The following TPRA1 variants were observed in gnomAD, a reference collection of about 807,000 sequenced individuals.
The protein encoded by TPRA1 is transmembrane protein adipocyte associated 1.
A neutral mutation model predicts 40.1 loss-of-function variants in TPRA1; 28 were observed. That is an observed-to-expected ratio of 0.70 (90% confidence interval 0.52 to 0.96). TPRA1 has a LOEUF of 0.96. Ranked by LOEUF, TPRA1 falls within the 40% of genes least tolerant of loss-of-function variation. TPRA1 has a pLI of 0.00. For synonymous variants in TPRA1, 219 were observed against 209.7 expected (o/e 1.04, Z -0.38); for missense variants, 441 against 482.6 (o/e 0.91, Z 0.81).
At chr3:127,578,954 C>A (rs1179508549) in intron 3 of TPRA1, among the ~76,000 whole-genome samples, 2 of 152,098 alleles carry the variant, frequency 1.3e-5, no homozygotes, top group Admixed American at 6.5e-5. Flanking sequence ...GAAGCCCACA[C>A]CAGGACAGCC....
chr3:127,574,899 CGT>C (rs2073529630), intron 10 of TPRA1: 2 of 485,856 alleles, frequency 4.1e-6, no homozygotes, highest in South Asian at 4.3e-5. Context: ...TGCATATGCC[CGT>C]GTGTATCCGT....
At chr3:127,574,961 T>G in intron 10 of TPRA1, 1 of 583,366 alleles carries the variant, frequency 1.7e-6, no homozygotes. Flanking sequence ...TGTGCATCCG[T>G]GTGTGCATGT....
intron 3 of TPRA1, among the ~76,000 whole-genome samples, chr3:127,578,877 C>T (rs2073732710): frequency 6.6e-6 from 1 of 152,170 alleles, no homozygotes; most frequent in Non-Finnish European, 1.5e-5. Context: ...GGGAGGACTC[C>T]AGTCAGGCAG....
At chr3:127,581,221 T>C (rs2073820315) in intron 1 of TPRA1, among the ~76,000 whole-genome samples, 1 of 152,218 alleles carries the variant, frequency 6.6e-6, no homozygotes, top group Non-Finnish European at 1.5e-5. Flanking sequence ...GCCAGATGCC[T>C]GTGACTCTGC....
chr3:127,582,838 TAAA>T (rs1290942646), intron 1 of TPRA1, among the ~76,000 whole-genome samples: 1 of 137,878 alleles, frequency 7.3e-6, no homozygotes, highest in African/African-American at 2.7e-5. Context: ...CCGCCTCTAC[TAAA>T]AAAAAAAAAT....
intron 1 of TPRA1, among the ~76,000 whole-genome samples, chr3:127,589,370 C>T (rs1036014906): frequency 2.0e-5 from 3 of 150,722 alleles, no homozygotes; most frequent in Non-Finnish European, 3.0e-5. Flanking sequence ...GCCCTCAGTG[C>T]TTCCCACACC....
upstream of TPRA1, among the ~76,000 whole-genome samples, chr3:127,593,270 C>T: frequency 6.6e-6 from 1 of 152,216 alleles, no homozygotes; most frequent in East Asian, 1.9e-4. Flanking sequence ...CATCACCCTA[C>T]AGCAGGCTCA....
At chr3:127,592,386 T>G (rs1483689006), upstream of TPRA1, among the ~76,000 whole-genome samples, 11 of 142,788 alleles carry the variant, frequency 7.7e-5, no homozygotes, top group South Asian at 4.8e-4. Context: ...TTTTTTTTTT[T>G]TTTTTTTTTT....
rs1402888180 is a variant in TPRA1, at chr3:127,573,482, C to A, written c.*39G>T. 1 of 1,578,822 alleles carries A rather than the reference C, an allele frequency of 6.3e-7. No homozygotes were observed. The highest frequency in any genetic ancestry group is 8.6e-7 in the Non-Finnish European group (1 of 1,160,860). On this transcript the variant is annotated 3_prime_UTR_variant, in exon 11 of 11. Transcript: ENST00000355552. Reference sequence around the variant, plus strand: ...CTGGGGACTCTGGGCCTGCTGGCCTCCTCTCTGGCCTGTCCTCCACAGGCC... The same window carrying A: ...CTGGGGACTCTGGGCCTGCTGGCCTACTCTCTGGCCTGTCCTCCACAGGCC...
At chr3:127,578,093 G>C (rs1338206269) in intron 3 of TPRA1, among the ~76,000 whole-genome samples, 1 of 145,448 alleles carries the variant, frequency 6.9e-6, no homozygotes, top group Non-Finnish European at 1.5e-5. Context: ...CCCAGGAACT[G>C]CCCAGTTTCT....
Position 127,576,563 on chromosome 3 carries a change from TG to T in TPRA1, c.498+53del. On this transcript the variant is annotated intron_variant, in intron 6 of 10. Transcript: ENST00000355552. The surrounding 1 kb of genome is among the most constrained non-coding windows in gnomAD (Gnocchi z 4.6). ...AAACCTGACCCAGACCCAGAAGCAG[TG>T]GGTGCCTGGTGCCCTGACTCCTAGC... 1 of 1,509,100 alleles carries T rather than the reference TG, an allele frequency of 6.6e-7. No homozygotes were observed. The highest frequency in any genetic ancestry group is 9.0e-7 in the Non-Finnish European group (1 of 1,114,890). The allele number at this position is 1,509,100 out of a possible 1,614,324, so 93.5% of individuals were successfully genotyped here.
intron 1 of TPRA1, among the ~76,000 whole-genome samples, chr3:127,596,236 C>T (rs1182307320): frequency 1.3e-5 from 2 of 152,144 alleles, no homozygotes; most frequent in Admixed American, 6.5e-5. Flanking sequence ...TGCGCCACTA[C>T]GCCTGGCTAA....
At chr3:127,588,879 G>T (rs1559851583) in intron 1 of TPRA1, among the ~76,000 whole-genome samples, 3 of 152,194 alleles carry the variant, frequency 2.0e-5, no homozygotes. Flanking sequence ...CAGAGAAGGG[G>T]TCAGTCCTCA....
intron 8 of TPRA1, 88 bp from the exon 9 acceptor site, chr3:127,575,593 G>T: frequency 3.4e-6 from 5 of 1,462,710 alleles, no homozygotes; most frequent in Non-Finnish European, 4.6e-6. Flanking sequence ...AGCCTGGTGT[G>T]TCCCCCGGGG....
chr3:127,589,989 G>T (rs2074120019), intron 1 of TPRA1, among the ~76,000 whole-genome samples: 4 of 152,236 alleles, frequency 2.6e-5, no homozygotes, highest in Admixed American at 2.6e-4. Context: ...CCCTCACGGG[G>T]CAGCAAAGCC....
At chr3:127,588,831 G>C (rs942034259) in intron 1 of TPRA1, among the ~76,000 whole-genome samples, 2 of 152,208 alleles carry the variant, frequency 1.3e-5, no homozygotes, top group African/African-American at 4.8e-5. Flanking sequence ...AAGGGAGAGA[G>C]GACAATTACT....
At position 127,576,752 on chromosome 3, in the gene TPRA1, G is replaced by T; in HGVS notation, c.419-56C>A. ...AGCCAGCCCAGGTGACCACTCCAGA[G>T]TCAGCCCACAGCCAGGGAGGGGCAG... On this transcript the variant is annotated intron_variant, in intron 5 of 10. Transcript: ENST00000355552. This position sits in a 1 kb window ranked among gnomAD's most constrained non-coding sequence, Gnocchi z 4.6. 6.2e-7 allele frequency: 1 copy of T among 1,611,900 alleles called. No homozygotes were observed. The highest frequency in any genetic ancestry group is 1.1e-5 in the South Asian group (1 of 90,826).
upstream of TPRA1, among the ~76,000 whole-genome samples, chr3:127,594,081 A>C (rs1420025943): frequency 6.6e-6 from 1 of 152,210 alleles, no homozygotes; most frequent in Non-Finnish European, 1.5e-5. Flanking sequence ...ACTTGATGAG[A>C]CATATGTGCT....
At chr3:127,586,669 CT>C (rs1175180560) in intron 1 of TPRA1, among the ~76,000 whole-genome samples, 8 of 152,216 alleles carry the variant, frequency 5.3e-5, no homozygotes, top group Admixed American at 2.6e-4. Flanking sequence ...ATCCCCACCC[CT>C]ATTATAAAGC....
Sources: allele counts gnomAD v4.1 joint callset (sites outside exome capture counted in the v4.1 genomes callset), GRCh38; gene constraint gnomAD v4.1.1; non-coding constraint Gnocchi (gnomAD v3.1); transcripts MANE v1.5; gene names NCBI Gene and HGNC (gene_info 2026-07-23, HGNC 2026-07-21).